The following TMEM177 variants were observed in gnomAD, a reference collection of about 807,000 sequenced individuals.
The protein encoded by TMEM177 is transmembrane protein 177.
In TMEM177, 4 loss-of-function variants were observed where a neutral mutation model predicts 14.2. The observed-to-expected ratio is 0.28, with a 90% CI of 0.14 to 0.64. The LOEUF is 0.64. TMEM177 is among the 30% of genes least tolerant of loss of function. The pLI is 0.82. For synonymous variants in TMEM177, 179 were observed against 174.5 expected, an observed-to-expected ratio of 1.03 and a Z score of -0.20; for missense variants, 344 against 405.2, an observed-to-expected ratio of 0.85 and a Z score of 1.30.
At chr2:119,718,188 G>T in the TMEM177 span, among the ~76,000 whole-genome samples, 59 of 152,314 alleles carry the variant, frequency 3.9e-4, no homozygotes, top group African/African-American at 1.3e-3. Flanking sequence ...TAGAATCTCA[G>T]TTTATGTTCC....
chr2:119,703,168 T>TCCCTCAG, the TMEM177 span, among the ~76,000 whole-genome samples: 1 of 152,352 alleles, frequency 6.6e-6, no homozygotes, highest in African/African-American at 2.4e-5. Context: ...TAGACTTTTA[T>TCCCTCAG]CCCTCAGCCC....
At chr2:119,712,544 T>G in the TMEM177 span, among the ~76,000 whole-genome samples, 1 of 152,014 alleles carries the variant, frequency 6.6e-6, no homozygotes, top group Non-Finnish European at 1.5e-5. Context: ...AAAGGCCACA[T>G]GAAGGCACGG....
chr2:119,685,512 G>A (rs866842061), downstream of TMEM177: 54 of 618,846 alleles, frequency 8.7e-5, no homozygotes, highest in East Asian at 1.5e-3. Context: ...GAGGCCTCCT[G>A]CCTGTCTCCT....
At chr2:119,684,876 C>A (rs17661193), downstream of TMEM177, among the ~76,000 whole-genome samples, 550 of 152,232 alleles carry the variant, frequency 3.6e-3, 2 homozygotes, top group African/African-American at 0.013. Flanking sequence ...TATTGCGTCC[C>A]TACACACAGG....
At chr2:119,696,337 G>A in the TMEM177 span, among the ~76,000 whole-genome samples, 1 of 152,196 alleles carries the variant, frequency 6.6e-6, no homozygotes, top group Non-Finnish European at 1.5e-5. Context: ...CTGGGGAGAA[G>A]GTCTGTTGCT....
chr2:119,692,395 T>C, the TMEM177 span, among the ~76,000 whole-genome samples: 148,662 of 152,332 alleles, frequency 0.98, 72,667 homozygotes, highest in East Asian at 1. Context: ...ATCCAGCCAG[T>C]GTGAAGGCCT....
the TMEM177 span, among the ~76,000 whole-genome samples, chr2:119,692,063 C>T: frequency 7.9e-5 from 12 of 152,212 alleles, no homozygotes; most frequent in Non-Finnish European, 1.2e-4. Flanking sequence ...CATCCTGTCC[C>T]GTCAGTGCCT....
At chr2:119,708,965 T>C in the TMEM177 span, among the ~76,000 whole-genome samples, 1 of 152,224 alleles carries the variant, frequency 6.6e-6, no homozygotes, top group African/African-American at 2.4e-5. Flanking sequence ...AACTTAAAGG[T>C]TACCTATTCT....
At chr2:119,682,278 G>A (rs1034860633), downstream of TMEM177, among the ~76,000 whole-genome samples, 17 of 152,040 alleles carry the variant, frequency 1.1e-4, no homozygotes, top group Non-Finnish European at 1.8e-4. Flanking sequence ...GAGCCACCTC[G>A]CCCAGCCTCC....
chr2:119,719,236 A>G, the TMEM177 span, among the ~76,000 whole-genome samples: 1 of 151,490 alleles, frequency 6.6e-6, no homozygotes, highest in South Asian at 2.1e-4. Context: ...AGGTGACAAC[A>G]CTCCTGAGCT....
the TMEM177 span, among the ~76,000 whole-genome samples, chr2:119,694,274 G>A: frequency 1.0e-5 from 1 of 96,826 alleles, no homozygotes; most frequent in African/African-American, 4.3e-5. Context: ...ACACCTGTGT[G>A]GTATACCACA....
chr2:119,685,757 A>G (rs1330720795), downstream of TMEM177: 1 of 717,818 alleles, frequency 1.4e-6, no homozygotes, highest in Non-Finnish European at 2.6e-6. Context: ...GGTTCCAGGT[A>G]TCGTTCTTAA....
At chr2:119,714,031 C>T in the TMEM177 span, among the ~76,000 whole-genome samples, 1 of 152,148 alleles carries the variant, frequency 6.6e-6, no homozygotes, top group Non-Finnish European at 1.5e-5. Flanking sequence ...TGGCACGAGA[C>T]CAGGGATGTG....
At chr2:119,711,210 A>C in the TMEM177 span, among the ~76,000 whole-genome samples, 8 of 152,200 alleles carry the variant, frequency 5.3e-5, no homozygotes, top group East Asian at 9.6e-4. Context: ...GGACTGGACC[A>C]TAGGGGTTTT....
chr2:119,686,127 A>C (rs1689010789), downstream of TMEM177: 1 of 163,832 alleles, frequency 6.1e-6, no homozygotes, highest in Admixed American at 6.3e-5. Context: ...TAACAGGGCG[A>C]TCTGGAACAA....
the TMEM177 span, among the ~76,000 whole-genome samples, chr2:119,704,051 A>G: frequency 6.6e-6 from 1 of 152,256 alleles, no homozygotes; most frequent in Non-Finnish European, 1.5e-5. Context: ...ATTTAAAAAA[A>G]GGCAGATACT....
the TMEM177 span, among the ~76,000 whole-genome samples, chr2:119,721,126 G>A: frequency 2.0e-5 from 3 of 152,192 alleles, no homozygotes; most frequent in African/African-American, 7.2e-5. Flanking sequence ...AGTTTATGCT[G>A]AGATGGCTCA....
the TMEM177 span, among the ~76,000 whole-genome samples, chr2:119,691,854 T>C: frequency 0.03 from 4,612 of 152,282 alleles, 251 homozygotes; most frequent in African/African-American, 0.1. Flanking sequence ...CCTGGTGACA[T>C]TGCTGTGGCA....
chr2:119,694,032 G>GCAT, the TMEM177 span, among the ~76,000 whole-genome samples: 2 of 2,422 alleles, frequency 8.3e-4, no homozygotes, highest in South Asian at 9.4e-3. Context: ...CCACACATAT[G>GCAT]ACACATACCA....
Sources: allele counts gnomAD v4.1 joint callset (sites outside exome capture counted in the v4.1 genomes callset), GRCh38; gene constraint gnomAD v4.1.1; transcripts MANE v1.5; gene names NCBI Gene and HGNC (gene_info 2026-07-23, HGNC 2026-07-21).